ZNHIT2: variants seen among roughly 807,000 people sequenced by gnomAD.
ZNHIT2 encodes zinc finger HIT-type containing 2.
In ZNHIT2, 16 loss-of-function variants were observed where a neutral mutation model predicts 18.0. The observed-to-expected ratio is 0.89, with a 90% CI of 0.60 to 1.35. The LOEUF (loss-of-function observed/expected upper bound fraction) is 1.35. Ranked by LOEUF, ZNHIT2 falls within the 40% of genes most tolerant of loss-of-function variation. The pLI is 0.00. For missense variants in ZNHIT2, 631 were observed against 566.4 expected, an observed-to-expected ratio of 1.11 and a Z score of -1.16; for synonymous variants, 336 against 269.8, an observed-to-expected ratio of 1.25 and a Z score of -2.41.
rs1428958283 is a variant in ZNHIT2 at position 65,117,609 on chromosome 11, G to T, written c.45C>A (p.Val15=). The T allele has an allele frequency of 6.6e-7, 1 of 1,505,924 alleles. No individual in the cohort carries two copies. The allele number at this position is 1,505,924 out of a possible 1,614,324, so 93.3% of individuals were successfully genotyped here. The change falls in exon 1 of 1, where the codon GTC becomes GTA. Residue 15 remains valine (V), a synonymous_variant. Transcript: ENST00000310597. ...GPCGFCPAGE[V]QPARYTCPRC... Reference sequence around the variant, plus strand: ...GAGGGCAGGTGTAACGCGCTGGCTGGACCTCCCCCGCCGGGCAGAAGCCAC... The same window carrying T: ...GAGGGCAGGTGTAACGCGCTGGCTGTACCTCCCCCGCCGGGCAGAAGCCAC...
chr11:65,117,129 CGCGGGCTCCGCGGCGGAG>C lies in ZNHIT2; in HGVS notation c.507_524del (p.Ser170_Ala175del). 6.3e-7 allele frequency: 1 copy of C among 1,579,724 alleles called. No individual in the cohort carries two copies. Among genetic ancestry groups the C allele is most frequent in the Non-Finnish European group, 8.6e-7 (1 of 1,165,540 alleles). ...CATCTCCAAGAACCCGCTCGGCGGCCGCGGGCTCCGCGGCGGAGGCATCTTTCACAGAATCCGGCGGGG... is the reference window on the plus strand; with the variant it reads ...CATCTCCAAGAACCCGCTCGGCGGCCGCATCTTTCACAGAATCCGGCGGGG... On this transcript the variant is annotated inframe_deletion, in exon 1 of 1. Coordinates refer to ENST00000310597, the MANE Select transcript of ZNHIT2 (RefSeq NM_014205.4).
chr11:65,117,280 G>A lies in ZNHIT2; in HGVS notation c.374C>T (p.Pro125Leu), dbSNP rs751253752. ...GCGGTTCCACCACCACGGCCGCCATGGAGGCAGCAGCCGCCCGGCCTCACC... is the reference window on the plus strand; with the variant it reads ...GCGGTTCCACCACCACGGCCGCCATAGAGGCAGCAGCCGCCCGGCCTCACC... ...SRGEAGRLLP[P>L]WRPWWWNRGA... is the part of the protein sequence containing the mutation. Residue 125 changes from proline (P) to leucine (L), a missense_variant, in exon 1 of 1, where the codon CCA (proline) becomes CTA (leucine). Transcript: ENST00000310597. 4.0e-6 allele frequency: 6 copies of A among 1,489,830 alleles called. No homozygotes were observed. The highest frequency in any genetic ancestry group is 5.3e-6 in the Non-Finnish European group (6 of 1,130,314). 92.3% of individuals were successfully genotyped at this position (1,489,830 alleles called of 1,614,324 possible). A position where few individuals can be genotyped will look rare whatever the true frequency, so the allele number is the denominator to read the frequency against.
rs1194417195 is a variant in ZNHIT2, at chr11:65,116,927, T to C, written c.727A>G (p.Thr243Ala). Reference sequence around the variant, plus strand: ...AGGGCTCCGGAAACGCCGAGCAGTGTGGCACAGAAGTCAGAGAGCAGCGCG... The same window carrying C: ...AGGGCTCCGGAAACGCCGAGCAGTGCGGCACAGAAGTCAGAGAGCAGCGCG... ...DDALLSDFCATLLGVSGALGA... is the reference protein window; with the variant it reads ...DDALLSDFCAALLGVSGALGA... The change falls in exon 1 of 1, where the codon ACA (threonine) becomes GCA (alanine). Residue 243 changes from threonine (T) to alanine (A), a missense_variant. Coordinates refer to ENST00000310597, the MANE Select transcript of ZNHIT2 (RefSeq NM_014205.4). 1.3e-6 allele frequency: 2 copies of C among 1,597,620 alleles called. No individual in the cohort carries two copies. The highest frequency in any genetic ancestry group is 1.7e-5 in the Admixed American group (1 of 59,572).
rs1947986462 is a variant in ZNHIT2, at chr11:65,116,450, G to A, written c.1204C>T (p.Pro402Ser). Residue 402 changes from proline (P) to serine (S), a missense_variant, in exon 1 of 1, where the codon CCT (proline) becomes TCT (serine). Physicochemically the swap from Pro to Ser is moderately conservative, Grantham distance 74 (BLOSUM62 -1). Transcript: ENST00000310597. Reference protein sequence around the residue: ...PAPRTLIEELPS With the variant: ...PAPRTLIEELSS The stretch of plus-strand genomic sequence containing the variant: ...TGACCAGGGTAACCCGTTCAGCTAG[G>A]GAGCTCCTCAATGAGAGTTCTTGGG... 6 of 1,512,160 alleles carry A rather than the reference G, an allele frequency of 4.0e-6. No individual in the cohort carries two copies. Among genetic ancestry groups the A allele is most frequent in the Middle Eastern group, 1.8e-4 (1 of 5,570 alleles). The allele number at this position is 1,512,160 out of a possible 1,614,324, so 93.7% of individuals were successfully genotyped here.
chr11:65,116,470 C>T lies in ZNHIT2; in HGVS notation c.1184G>A (p.Arg395Lys), dbSNP rs1217821979. 1 of 1,514,922 alleles carries T rather than the reference C, an allele frequency of 6.6e-7. No individual in the cohort carries two copies. Among genetic ancestry groups the T allele is most frequent in the Non-Finnish European group, 8.8e-7 (1 of 1,130,792 alleles). 93.8% of individuals were successfully genotyped at this position (1,514,922 alleles called of 1,614,324 possible). A position where few individuals can be genotyped will look rare whatever the true frequency, so the allele number is the denominator to read the frequency against. Residue 395 changes from arginine (R) to lysine (K), a missense_variant, in exon 1 of 1, where the codon AGA becomes AAA. Transcript: ENST00000310597. ...LWGGPVPPAP[R>K]TLIEELPS ...GCTAGGGAGCTCCTCAATGAGAGTT[C>T]TTGGGGCAGGTGGCACGGGGCCTCC...
rs1406445937 is a variant in ZNHIT2 at position 65,117,547 on chromosome 11, C to A, written c.107G>T (p.Arg36Leu). 1.7e-5 allele frequency: 27 copies of A among 1,589,616 alleles called. No individual in the cohort carries two copies. The highest frequency in any genetic ancestry group is 2.3e-5 in the Non-Finnish European group (27 of 1,175,344). The change falls in exon 1 of 1, where the codon CGG becomes CTG. Residue 36 changes from arginine to leucine, a missense_variant. Transcript: ENST00000310597. ...NAPYCSLRCY[R>L]THGTCAENFY... is the part of the protein sequence containing the mutation. Reference sequence around the variant, plus strand: ...GTTTTCTGCGCAGGTGCCATGCGTCCGGTAGCAGCGCAGCGAGCAGTAGGG... The same window carrying A: ...GTTTTCTGCGCAGGTGCCATGCGTCAGGTAGCAGCGCAGCGAGCAGTAGGG...
Position 65,117,068 on chromosome 11 carries a change from T to G in ZNHIT2, c.586A>C (p.Ile196Leu). Reference protein sequence around the residue: ...GACTPVVPTRIPAIVSLSRGP... With the variant: ...GACTPVVPTRLPAIVSLSRGP... ...CGGCTCAGGCTGACTATCGCGGGGA[T>G]GCGGGTGGGTACGACGGGCGTGCAG... Residue 196 changes from isoleucine (I) to leucine (L), a missense_variant, in exon 1 of 1, where the codon ATC (isoleucine) becomes CTC (leucine). Physicochemically the swap from Ile to Leu is conservative, Grantham distance 5. Transcript: ENST00000310597. 1 of 1,593,348 alleles carries G rather than the reference T, an allele frequency of 6.3e-7. No homozygotes were observed. Among genetic ancestry groups the G allele is most frequent in the Non-Finnish European group, 8.5e-7 (1 of 1,172,658 alleles).
chr11:65,117,637 G>T lies in ZNHIT2; in HGVS notation c.17C>A (p.Pro6His). Residue 6 changes from proline (P) to histidine (H), a missense_variant, in exon 1 of 1, where the codon CCC (proline) becomes CAC (histidine). Physicochemically the swap from Pro to His is moderately conservative, Grantham distance 77 (BLOSUM62 -2). Transcript: ENST00000310597. MEPAG[P>H]CGFCPAGEVQ... ...CTCCCCCGCCGGGCAGAAGCCACAG[G>T]GCCCGGCCGGCTCCATGGCAACTGG... 6.9e-7 allele frequency: 1 copy of T among 1,447,180 alleles called. No homozygotes were observed. The allele number at this position is 1,447,180 out of a possible 1,614,324, so 89.6% of individuals were successfully genotyped here.
Position 65,117,560 on chromosome 11 carries a change from GC to G in ZNHIT2, c.93del (p.Leu32CysfsTer33), listed in dbSNP as rs1565329426. On this transcript the variant is annotated frameshift_variant, in exon 1 of 1. Coordinates refer to ENST00000310597, the MANE Select transcript of ZNHIT2 (RefSeq NM_014205.4). LOFTEE classifies it high-confidence loss of function. ...GTGCCATGCGTCCGGTAGCAGCGCA[GC>G]GAGCAGTAGGGCGCATTACAGCGAG... ...TCPRCNAPYCSLRCYRTHGTC... is the reference protein window; with the variant it reads ...TCPRCNAPYCXLRCYRTHGTC... The G allele has an allele frequency of 3.2e-6, 5 of 1,586,250 alleles. No homozygotes were observed. The South Asian group carries it at 5.7e-5, about 18-fold the overall frequency.
Position 65,117,442 on chromosome 11 carries a change from A to C in ZNHIT2, c.212T>G (p.Leu71Arg). 6.6e-7 allele frequency: 1 copy of C among 1,511,134 alleles called. No homozygotes were observed. Among genetic ancestry groups the C allele is most frequent in the Non-Finnish European group, 8.8e-7 (1 of 1,136,772 alleles). 93.6% of individuals were successfully genotyped at this position (1,511,134 alleles called of 1,614,324 possible). A position where few individuals can be genotyped will look rare whatever the true frequency, so the allele number is the denominator to read the frequency against. The change falls in exon 1 of 1, where the codon CTG becomes CGG. Residue 71 changes from leucine to arginine, a missense_variant. Leu to Arg is a moderately radical substitution (Grantham distance 102). Coordinates refer to ENST00000310597, the MANE Select transcript of ZNHIT2 (RefSeq NM_014205.4). Reference sequence around the variant, plus strand: ...GTCCTCGGTCTCGCGTTGCTGACGCAGCCGGCGTAGGGCGCTTGCTAGGCG... The same window carrying C: ...GTCCTCGGTCTCGCGTTGCTGACGCCGCCGGCGTAGGGCGCTTGCTAGGCG... ...PSRLASALRRLRQQRETEDEP... is the reference protein window; with the variant it reads ...PSRLASALRRRRQQRETEDEP...
rs1428141033 is a variant in ZNHIT2, at chr11:65,117,130, G to A, written c.524C>T (p.Ala175Val). ...SVKDASAAEP[A>V]AAERVLGDVP... ...ATCTCCAAGAACCCGCTCGGCGGCC[G>A]CGGGCTCCGCGGCGGAGGCATCTTT... is the stretch of plus-strand genomic sequence containing the variant. The change falls in exon 1 of 1, where the codon GCG (alanine) becomes GTG (valine). Residue 175 changes from alanine to valine, a missense_variant. Ala to Val is a moderately conservative substitution (Grantham distance 64, BLOSUM62 0). Coordinates refer to ENST00000310597, the MANE Select transcript of ZNHIT2 (RefSeq NM_014205.4). 2 of 1,580,810 alleles carry A rather than the reference G, an allele frequency of 1.3e-6. No homozygotes were observed. Among genetic ancestry groups the A allele is most frequent in the Admixed American group, 1.8e-5 (1 of 56,966 alleles).
At position 65,117,298 on chromosome 11, in the gene ZNHIT2, G is replaced by A; in HGVS notation, c.356C>T (p.Ala119Val). The change falls in exon 1 of 1, where the codon GCC becomes GTC. Residue 119 changes from alanine (A) to valine (V), a missense_variant. Physicochemically the swap from Ala to Val is moderately conservative, Grantham distance 64. Transcript: ENST00000310597. ...CCGCCATGGAGGCAGCAGCCGCCCGGCCTCACCGCGGCTCAGCAGCCGCTC... is the reference window on the plus strand; with the variant it reads ...CCGCCATGGAGGCAGCAGCCGCCCGACCTCACCGCGGCTCAGCAGCCGCTC... Reference protein sequence around the residue: ...AFERLLSRGEAGRLLPPWRPW... With the variant: ...AFERLLSRGEVGRLLPPWRPW... 1 of 1,486,732 alleles carries A rather than the reference G, an allele frequency of 6.7e-7. No individual in the cohort carries two copies. Among genetic ancestry groups the A allele is most frequent in the South Asian group, 1.4e-5 (1 of 73,976 alleles). 92.1% of individuals were successfully genotyped at this position (1,486,732 alleles called of 1,614,324 possible). A position where few individuals can be genotyped will look rare whatever the true frequency, so the allele number is the denominator to read the frequency against.
chr11:65,117,570 G>C lies in ZNHIT2; in HGVS notation c.84C>G (p.Pro28=), dbSNP rs759456157. The change falls in exon 1 of 1, where the codon CCC becomes CCG. Residue 28 remains proline, a synonymous_variant. Transcript: ENST00000310597. The part of the protein sequence containing the change: ...ARYTCPRCNA[P]YCSLRCYRTH... ...TCCGGTAGCAGCGCAGCGAGCAGTAGGGCGCATTACAGCGAGGGCAGGTGT... is the reference window on the plus strand; with the variant it reads ...TCCGGTAGCAGCGCAGCGAGCAGTACGGCGCATTACAGCGAGGGCAGGTGT... 62 of 1,581,442 alleles carry C rather than the reference G, an allele frequency of 3.9e-5. No individual in the cohort carries two copies. Among genetic ancestry groups the C allele is most frequent in the Admixed American group, 1.6e-4 (9 of 56,330 alleles).
chr11:65,117,065 G>C lies in ZNHIT2; in HGVS notation c.589C>G (p.Pro197Ala), dbSNP rs753456325. The change falls in exon 1 of 1, where the codon CCC (proline) becomes GCC (alanine). Residue 197 changes from proline (P) to alanine (A), a missense_variant. Coordinates refer to ENST00000310597, the MANE Select transcript of ZNHIT2 (RefSeq NM_014205.4). ...CCGCGGCTCAGGCTGACTATCGCGG[G>C]GATGCGGGTGGGTACGACGGGCGTG... The part of the protein sequence containing the change: ...ACTPVVPTRI[P>A]AIVSLSRGPV... 5 of 1,593,346 alleles carry C rather than the reference G, an allele frequency of 3.1e-6. No homozygotes were observed. The highest frequency in any genetic ancestry group is 4.3e-6 in the Non-Finnish European group (5 of 1,172,638).
At position 65,116,705 on chromosome 11, in the gene ZNHIT2, G is replaced by A. The variant is rs754899615; in HGVS notation, c.949C>T (p.Leu317=). ...ACGGCCTGTTTCCGGGCACGGCCCA[G>A]GGTCTGTGCCAGGTCCCCCAGTGCT... ...LAALGDLAQT[L]GRARKQAVAR... Residue 317 remains leucine (L), a synonymous_variant, in exon 1 of 1, where the codon CTG becomes TTG. Transcript: ENST00000310597. The A allele has an allele frequency of 2.5e-6, 4 of 1,613,670 alleles. No homozygotes were observed. The highest frequency in any genetic ancestry group is 3.4e-6 in the Non-Finnish European group (4 of 1,179,970).
rs1947995482 is a variant in ZNHIT2 at position 65,116,903 on chromosome 11, G to A, written c.751C>T (p.Leu251=). The A allele has an allele frequency of 2.5e-6, 4 of 1,597,850 alleles. No homozygotes were observed. The highest frequency in any genetic ancestry group is 3.4e-6 in the Non-Finnish European group (4 of 1,176,722). ...GAGGCGAAGACTTGCTGGGCACCCA[G>A]GGCTCCGGAAACGCCGAGCAGTGTG... ...CATLLGVSGA[L]GAQQVFASAE... The change falls in exon 1 of 1, where the codon CTG becomes TTG. Residue 251 remains leucine (L), a synonymous_variant. Coordinates refer to ENST00000310597, the MANE Select transcript of ZNHIT2 (RefSeq NM_014205.4).
chr11:65,116,765 C>T lies in ZNHIT2; in HGVS notation c.889G>A (p.Glu297Lys). ...TAGCCTTTCTGGTTGGTCGGGCCCTCGCCCAGCAGGATGCGGGCGACCTCG... is the reference window on the plus strand; with the variant it reads ...TAGCCTTTCTGGTTGGTCGGGCCCTTGCCCAGCAGGATGCGGGCGACCTCG... ...MHEVARILLG[E>K]GPTNQKGYTL... Residue 297 changes from glutamate to lysine, a missense_variant, in exon 1 of 1, where the codon GAG becomes AAG. By Grantham distance (56) the Glu-to-Lys change is moderately conservative. Coordinates refer to ENST00000310597, the MANE Select transcript of ZNHIT2 (RefSeq NM_014205.4). 1.9e-6 allele frequency: 3 copies of T among 1,608,232 alleles called. No homozygotes were observed. Among genetic ancestry groups the T allele is most frequent in the Non-Finnish European group, 2.6e-6 (3 of 1,175,920 alleles).
chr11:65,116,717 G>A lies in ZNHIT2; in HGVS notation c.937C>T (p.Leu313=). The change falls in exon 1 of 1, where the codon CTG becomes TTG. Residue 313 remains leucine (L), a synonymous_variant. Transcript: ENST00000310597. ...CGGGCACGGCCCAGGGTCTGTGCCA[G>A]GTCCCCCAGTGCTGCCAGCGTGTAG... The part of the protein sequence containing the change: ...KGYTLAALGD[L]AQTLGRARKQ... 6.2e-7 allele frequency: 1 copy of A among 1,613,232 alleles called. No homozygotes were observed. Among genetic ancestry groups the A allele is most frequent in the Non-Finnish European group, 8.5e-7 (1 of 1,179,564 alleles).
chr11:65,116,576 C>A lies in ZNHIT2; in HGVS notation c.1078G>T (p.Asp360Tyr). The change falls in exon 1 of 1, where the codon GAC (aspartate) becomes TAC (tyrosine). Residue 360 changes from aspartate (D) to tyrosine (Y), a missense_variant. Coordinates refer to ENST00000310597, the MANE Select transcript of ZNHIT2 (RefSeq NM_014205.4). ...NEAALTPLALDCARAHQAHAV... is the reference protein window; with the variant it reads ...NEAALTPLALYCARAHQAHAV... ...TGGGCTTGGTGAGCCCTGGCGCAGT[C>A]TAGGGCCAGGGGTGTGAGGGCCGCC... 1.9e-6 allele frequency: 3 copies of A among 1,598,304 alleles called. No homozygotes were observed. Among genetic ancestry groups the A allele is most frequent in the Non-Finnish European group, 2.6e-6 (3 of 1,169,228 alleles).
Sources: allele counts gnomAD v4.1 joint callset, GRCh38; gene constraint gnomAD v4.1.1; transcripts MANE v1.5; gene names NCBI Gene and HGNC (gene_info 2026-07-23, HGNC 2026-07-21).